TRPM3: variants seen among roughly 807,000 people sequenced by gnomAD.
The protein encoded by TRPM3 is long transient receptor potential channel 3.
TRPM3 carries 77 observed loss-of-function variants against 181.2 expected under a neutral mutation model. The ratio of observed to expected loss-of-function variants is 0.42; its 90% CI spans 0.35 to 0.51. The LOEUF (loss-of-function observed/expected upper bound fraction) is 0.51, where lower values mean the gene tolerates loss of function less well. Ranked by LOEUF, TRPM3 falls within the 20% of genes least tolerant of loss-of-function variation. The pLI, the probability that TRPM3 is intolerant of heterozygous loss-of-function variation, is 0.01. For missense variants in TRPM3, 1,759 were observed against 2,196.7 expected, an observed-to-expected ratio of 0.80 and a Z score of 3.98; for synonymous variants, 745 against 796.4, an observed-to-expected ratio of 0.94 and a Z score of 1.09.
rs958959218 is a variant in TRPM3 at position 71,332,356 on chromosome 9, G to A, written c.183+114297C>T. Among the ~76,000 whole-genome samples, 7 of 148,104 alleles carry A rather than the reference G, an allele frequency of 4.7e-5. No homozygotes were observed. In the East Asian group the frequency reaches 9.8e-4, roughly 21 times the overall value. ...AACTGCCCCCAAAAACTTAGTCTAG[G>A]TCAGTGGTTTTCAATGTTGGGTGTG... On this transcript the variant is annotated intron_variant, in intron 1 of 24. Coordinates refer to the TRPM3 transcript ENST00000357533.
chr9:70,863,853 C>T (rs1017148851), intron 2 of TRPM3, among the ~76,000 whole-genome samples: 2 of 152,052 alleles, frequency 1.3e-5, no homozygotes, highest in East Asian at 1.9e-4. Flanking sequence ...CAAGGTTACA[C>T]GGATAGTCTC....
At chr9:71,106,230 T>C (rs2069525936) in intron 1 of TRPM3, among the ~76,000 whole-genome samples, 1 of 152,200 alleles carries the variant, frequency 6.6e-6, no homozygotes, top group Admixed American at 6.5e-5. Context: ...TATTGACAAC[T>C]GCAAAGTAAT....
intron 19 of TRPM3, among the ~76,000 whole-genome samples, chr9:70,607,507 G>A (rs1377335015): frequency 3.3e-5 from 5 of 152,142 alleles, no homozygotes; most frequent in East Asian, 3.8e-4. Flanking sequence ...AGTCAGCCAC[G>A]CAGAAGTGTG....
At chr9:71,197,885 A>T (rs903238259) in intron 1 of TRPM3, among the ~76,000 whole-genome samples, 3 of 148,388 alleles carry the variant, frequency 2.0e-5, no homozygotes, top group South Asian at 4.4e-4. Context: ...ATTAGATCCC[A>T]TTTGTCAATT....
At chr9:71,177,121 C>A (rs145713308) in intron 1 of TRPM3, among the ~76,000 whole-genome samples, 1 of 152,232 alleles carries the variant, frequency 6.6e-6, no homozygotes, top group Non-Finnish European at 1.5e-5. Flanking sequence ...GTGAACTGTG[C>A]ATGCGAGGGA....
At chr9:71,276,350 A>C (rs1376777133) in intron 1 of TRPM3, among the ~76,000 whole-genome samples, 1 of 152,198 alleles carries the variant, frequency 6.6e-6, no homozygotes, top group Non-Finnish European at 1.5e-5. Context: ...TAGATTATGA[A>C]GGGAAAGATT....
Position 70,530,648 on chromosome 9 carries a change from T to A in TRPM3, c.*5305A>T, listed in dbSNP as rs2040753241. On this transcript the variant is annotated 3_prime_UTR_variant, in exon 26 of 26. Transcript: ENST00000677713. ...GTCACGTTGCTTTCATTAGCAGTGA[T>A]GAGTGCAAGGAAATCATCAGAGAAA... is the stretch of plus-strand genomic sequence containing the variant. The A allele has an allele frequency of 6.6e-6, 1 of 152,200 alleles. No homozygotes were observed. Among genetic ancestry groups the A allele is most frequent in the Non-Finnish European group, 1.5e-5 (1 of 68,040 alleles). The allele number at this position is 152,200 out of a possible 1,614,324, so 9.4% of individuals were successfully genotyped here.
intron 9 of TRPM3, among the ~76,000 whole-genome samples, chr9:70,645,269 T>A (rs2058658717): frequency 6.6e-6 from 1 of 151,788 alleles, no homozygotes; most frequent in South Asian, 2.1e-4. Context: ...TAAGCAAAAA[T>A]AACAAACCTG....
rs114292542 is a variant in TRPM3 at position 70,580,270 on chromosome 9, G to T, written c.3223+10761C>A. Among the ~76,000 whole-genome samples the T allele has an allele frequency of 6.4e-3, 975 of 152,174 alleles. 7 individuals carry two copies. The highest frequency in any genetic ancestry group is 0.022 in the African/African-American group (908 of 41,506). ...TAAACTGAAGCTATACTTAAAAAGG[G>T]GCTCCACACAAGGCGACCTGCGAAT... On this transcript the variant is annotated intron_variant, in intron 22 of 25. Coordinates refer to ENST00000677713, the MANE Select transcript of TRPM3 (RefSeq NM_001366145.2).
chr9:71,123,925 C>T (rs978502173), upstream of TRPM3, among the ~76,000 whole-genome samples: 1 of 152,176 alleles, frequency 6.6e-6, no homozygotes, highest in Non-Finnish European at 1.5e-5. Context: ...AAAATGACAG[C>T]ATCATTCTGA....
intron 1 of TRPM3, among the ~76,000 whole-genome samples, chr9:71,015,176 C>T (rs1417999417): frequency 6.6e-6 from 1 of 152,188 alleles, no homozygotes. Flanking sequence ...AAAATACTGA[C>T]TCCCTCTATT....
Position 70,537,208 on chromosome 9 carries a change from G to T in TRPM3, c.3905C>A (p.Thr1302Lys). ...KIRSRTSSDCTDAAYIVRQSS... is the reference protein window; with the variant it reads ...KIRSRTSSDCKDAAYIVRQSS... The stretch of plus-strand genomic sequence containing the variant: ...CTGACGGACAATGTAGGCGGCGTCC[G>T]TGCAGTCTGACGAGGTCCTCGAGCG... The change falls in exon 26 of 26, where the codon ACG (threonine) becomes AAG (lysine). Residue 1302 changes from threonine to lysine, a missense_variant. Thr to Lys is a moderately conservative substitution (Grantham distance 78). Transcript: ENST00000677713. 2 of 1,595,914 alleles carry T rather than the reference G, an allele frequency of 1.3e-6. No individual in the cohort carries two copies. Among genetic ancestry groups the T allele is most frequent in the Non-Finnish European group, 8.6e-7 (1 of 1,167,088 alleles).
intron 1 of TRPM3, among the ~76,000 whole-genome samples, chr9:71,186,622 C>G (rs891810474): frequency 6.6e-6 from 1 of 151,862 alleles, no homozygotes; most frequent in South Asian, 2.1e-4. Flanking sequence ...CAGCCCAGAC[C>G]AAGTTAGGGA....
chr9:70,777,986 GACACAGAC>G (rs1298141609), intron 7 of TRPM3, among the ~76,000 whole-genome samples: 7 of 149,218 alleles, frequency 4.7e-5, no homozygotes, highest in Non-Finnish European at 1.1e-4. Context: ...AAATTTAACA[GACACAGAC>G]ACACACACAC....
At chr9:71,119,358 A>T (rs2073125868) in intron 1 of TRPM3, among the ~76,000 whole-genome samples, 1 of 152,192 alleles carries the variant, frequency 6.6e-6, no homozygotes, top group African/African-American at 2.4e-5. Context: ...ATTGAGCTGT[A>T]TGCCAATGAA....
chr9:70,616,711 C>T (rs144824564), intron 17 of TRPM3, among the ~76,000 whole-genome samples: 2 of 151,944 alleles, frequency 1.3e-5, no homozygotes, highest in African/African-American at 4.8e-5. Flanking sequence ...ACACACACAC[C>T]CCCCAGTGGG....
At chr9:70,976,152 G>T (rs370694845) in intron 1 of TRPM3, among the ~76,000 whole-genome samples, 2 of 152,256 alleles carry the variant, frequency 1.3e-5, no homozygotes, top group Non-Finnish European at 2.9e-5. Context: ...GACAGTACGG[G>T]GAAGGAGAAC....
chr9:70,904,159 G>A (rs1019197440), intron 1 of TRPM3, among the ~76,000 whole-genome samples: 1 of 152,106 alleles, frequency 6.6e-6, no homozygotes. Context: ...GGAGGTCAAG[G>A]CTGCAGTGAG....
At chr9:71,391,217 A>G (rs955392949) in intron 1 of TRPM3, among the ~76,000 whole-genome samples, 1 of 151,976 alleles carries the variant, frequency 6.6e-6, no homozygotes, top group African/African-American at 2.4e-5. Flanking sequence ...CTCTTATTTG[A>G]TCCTTCCAAC....
Sources: gnomAD v4.1 joint callset for allele counts (sites outside exome capture counted in the v4.1 genomes callset) on GRCh38, gnomAD v4.1.1 for gene constraint, MANE v1.5 for transcripts, NCBI Gene and HGNC (gene_info 2026-07-23, HGNC 2026-07-21) for gene names.